Variants in CDH13 observed in about 807,000 individuals in gnomAD.
The protein encoded by CDH13 is cadherin-13.
Under a neutral mutation model 63.8 loss-of-function variants are expected in CDH13, and 24 were observed. The ratio of observed to expected loss-of-function variants is 0.38; its 90% confidence interval spans 0.27 to 0.53. CDH13 has a LOEUF of 0.53. CDH13 is among the 20% of genes least tolerant of loss of function. The pLI is 0.85. For missense variants in CDH13, 1,049 were observed against 903.1 expected (o/e 1.16, Z -2.07); for synonymous variants, 503 against 355.3 (o/e 1.42, Z -4.67).
chr16:83,541,972 C>G (rs201070175), intron 7 of CDH13, among the ~76,000 whole-genome samples: 2 of 152,176 alleles, frequency 1.3e-5, no homozygotes, highest in East Asian at 3.9e-4. Flanking sequence ...GGAAGCAAGT[C>G]AATAAATACT....
intron 2 of CDH13, chr16:82,858,991 T>A (rs1347077609): frequency 1.3e-5 from 2 of 154,684 alleles, no homozygotes; most frequent in Admixed American, 6.5e-5. Flanking sequence ...GATTATTCTA[T>A]GGATTAAGCT....
At chr16:83,096,315 G>C (rs4514665) in intron 3 of CDH13, among the ~76,000 whole-genome samples, 56,844 of 152,074 alleles carry the variant, frequency 0.37, 12,100 homozygotes, top group Middle Eastern at 0.55. Flanking sequence ...AAACCAAATA[G>C]GAATATATCA....
chr16:83,097,392 G>C (rs2034259438), intron 3 of CDH13, among the ~76,000 whole-genome samples: 1 of 152,140 alleles, frequency 6.6e-6, no homozygotes, highest in South Asian at 2.1e-4. Flanking sequence ...TATAACACTA[G>C]TCTTCTATTT....
intron 5 of CDH13, among the ~76,000 whole-genome samples, chr16:83,305,142 G>C (rs985761769): frequency 8.5e-5 from 13 of 152,170 alleles, no homozygotes; most frequent in Admixed American, 5.2e-4. Context: ...TGGTCTAGGG[G>C]AGCTGTCCTG....
rs560774136 is a variant in CDH13, at chr16:83,171,553, G to T, written c.484-45792G>T. On this transcript the variant is annotated intron_variant, in intron 4 of 13. Transcript: ENST00000567109. ...ATTTGGCAAGTTCTGTGCCTAGCACGATGGCTGACATGAGATAAGTGCACA... is the reference window on the plus strand; with the variant it reads ...ATTTGGCAAGTTCTGTGCCTAGCACTATGGCTGACATGAGATAAGTGCACA... The T allele has an allele frequency of 3.3e-6, 5 of 1,534,232 alleles. No homozygotes were observed. In the East Asian group the frequency reaches 1.2e-4, roughly 38 times the overall value.
intron 11 of CDH13, among the ~76,000 whole-genome samples, chr16:83,758,958 C>G (rs1343625520): frequency 6.6e-6 from 1 of 152,122 alleles, no homozygotes; most frequent in African/African-American, 2.4e-5. Context: ...AATGACAATT[C>G]TTTTCAAACC....
chr16:82,761,268 T>C (rs2034845150), intron 1 of CDH13, among the ~76,000 whole-genome samples: 1 of 151,972 alleles, frequency 6.6e-6, no homozygotes, highest in Non-Finnish European at 1.5e-5. Flanking sequence ...TCTGCCCTCC[T>C]CGGCCTCCCA....
chr16:82,629,809 A>G (rs1907791739), intron 1 of CDH13, among the ~76,000 whole-genome samples: 1 of 152,226 alleles, frequency 6.6e-6, no homozygotes, highest in Admixed American at 6.5e-5. Flanking sequence ...TCTGTCCCAG[A>G]AGTGGCTTCT....
At position 83,560,882 on chromosome 16, in the gene CDH13, A is replaced by C. The variant is rs1464403583; in HGVS notation, c.961-41572A>C. On this transcript the variant is annotated intron_variant, in intron 7 of 13. Coordinates refer to ENST00000567109, the MANE Select transcript of CDH13 (RefSeq NM_001257.5). Reference sequence around the variant, plus strand: ...AAGCCATGGTGCTGTGGCAAGGACAAGTGTACCATAAGGTTGGCCCCCCCC... The same window carrying C: ...AAGCCATGGTGCTGTGGCAAGGACACGTGTACCATAAGGTTGGCCCCCCCC... Among the ~76,000 whole-genome samples the C allele has an allele frequency of 1.4e-5, 2 of 146,052 alleles. 1 individual carries two copies. The highest frequency in any genetic ancestry group is 5.0e-5 in the African/African-American group (2 of 39,698).
intron 2 of CDH13, among the ~76,000 whole-genome samples, chr16:82,926,315 G>A (rs973728221): frequency 6.6e-6 from 1 of 151,128 alleles, no homozygotes; most frequent in African/African-American, 2.4e-5. Flanking sequence ...AAGGCCAGAA[G>A]ACCATTGTTT....
chr16:82,710,552 A>AAAAAAAATAT (rs60196638), intron 1 of CDH13, among the ~76,000 whole-genome samples: 7 of 63,778 alleles, frequency 1.1e-4, no homozygotes, highest in African/African-American at 4.1e-4. Flanking sequence ...AAAAAAAAAA[A>AAAAAAAATAT]ATATATATAT....
intron 6 of CDH13, among the ~76,000 whole-genome samples, chr16:83,354,088 C>G (rs1266259210): frequency 6.6e-6 from 1 of 152,216 alleles, no homozygotes; most frequent in African/African-American, 2.4e-5. Flanking sequence ...ATTCTACAGT[C>G]TTTTGAAAAG....
At chr16:83,257,145 C>G (rs560809229) in intron 5 of CDH13, among the ~76,000 whole-genome samples, 1 of 151,954 alleles carries the variant, frequency 6.6e-6, no homozygotes, top group African/African-American at 2.4e-5. Context: ...AGGAAGGTTT[C>G]TTTGAAGAAG....
At chr16:82,845,613 C>T (rs577346459) in intron 1 of CDH13, among the ~76,000 whole-genome samples, 1 of 152,254 alleles carries the variant, frequency 6.6e-6, no homozygotes, top group South Asian at 2.1e-4. Context: ...AGACAAGGTT[C>T]CCAGTGCCTG....
intron 4 of CDH13, among the ~76,000 whole-genome samples, chr16:83,141,197 C>G (rs1229934197): frequency 7.2e-5 from 11 of 152,160 alleles, no homozygotes; most frequent in Non-Finnish European, 1.6e-4. Context: ...CTCCAAATAC[C>G]TCACTTGATA....
intron 6 of CDH13, among the ~76,000 whole-genome samples, chr16:83,439,144 T>G (rs2072409726): frequency 6.6e-6 from 1 of 152,236 alleles, no homozygotes; most frequent in African/African-American, 2.4e-5. Context: ...TTCTTCAACT[T>G]TAAAATCAGA....
chr16:83,272,660 T>A (rs2151847726), intron 5 of CDH13, among the ~76,000 whole-genome samples: 1 of 152,300 alleles, frequency 6.6e-6, no homozygotes, highest in African/African-American at 2.4e-5. Flanking sequence ...TTTGCGTTAA[T>A]AGGTCTGTGT....
chr16:82,741,813 A>C (rs909514321), intron 1 of CDH13, among the ~76,000 whole-genome samples: 1 of 152,226 alleles, frequency 6.6e-6, no homozygotes, highest in African/African-American at 2.4e-5. Context: ...TATTGAAAAA[A>C]ACATGGATAT....
At chr16:83,192,535 C>A (rs1447246975) in intron 4 of CDH13, among the ~76,000 whole-genome samples, 3 of 152,056 alleles carry the variant, frequency 2.0e-5, no homozygotes, top group Non-Finnish European at 4.4e-5. Flanking sequence ...AGTGATATCC[C>A]CAGAGCTGTA....
Sources: gnomAD v4.1 joint callset for allele counts (sites outside exome capture counted in the v4.1 genomes callset) on GRCh38, gnomAD v4.1.1 for gene constraint, MANE v1.5 for transcripts, NCBI Gene and HGNC (gene_info 2026-07-23, HGNC 2026-07-21) for gene names.